The following OSTF1 variants were observed in gnomAD, a reference collection of about 807,000 sequenced individuals.
The protein encoded by OSTF1 is osteoclast stimulating factor 1, also known as osteoclast-stimulating factor 1.
Under a neutral mutation model 37.2 loss-of-function variants are expected in OSTF1, and 27 were observed. That is an observed-to-expected ratio of 0.73 (90% CI 0.54 to 1.00). The LOEUF (loss-of-function observed/expected upper bound fraction) is 1.00, where lower values mean the gene tolerates loss of function less well. Ranked by LOEUF, OSTF1 falls within the 50% of genes least tolerant of loss-of-function variation. OSTF1 has a pLI of 0.00. For synonymous variants in OSTF1, 82 were observed against 89.2 expected (o/e 0.92, Z 0.46); for missense variants, 232 against 253.8 (o/e 0.91, Z 0.58).
At chr9:75,100,783 C>A (rs759523341) in intron 1 of OSTF1, among the ~76,000 whole-genome samples, 3 of 151,514 alleles carry the variant, frequency 2.0e-5, no homozygotes, top group Non-Finnish European at 4.4e-5. Flanking sequence ...GTAGGTCTGA[C>A]CCGGGGCCTT....
intron 9 of OSTF1, among the ~76,000 whole-genome samples, chr9:75,145,653 A>C (rs760367658): frequency 5.3e-5 from 8 of 152,194 alleles, no homozygotes; most frequent in Non-Finnish European, 8.8e-5. Context: ...TTTGACCTTT[A>C]TTTAAGAGGT....
intron 2 of OSTF1, among the ~76,000 whole-genome samples, chr9:75,122,942 T>A (rs1181795526): frequency 6.6e-6 from 1 of 152,200 alleles, no homozygotes; most frequent in African/African-American, 2.4e-5. Context: ...AAACTTTTCA[T>A]AAAATATATT....
At chr9:75,110,611 G>T (rs1825369429) in intron 1 of OSTF1, among the ~76,000 whole-genome samples, 1 of 152,078 alleles carries the variant, frequency 6.6e-6, no homozygotes, top group Admixed American at 6.5e-5. Flanking sequence ...AAGTGAAATA[G>T]TCTATCTATT....
Position 75,131,916 on chromosome 9 carries a change from C to T in OSTF1, c.250+93C>T, listed in dbSNP as rs1277105957. On this transcript the variant is annotated intron_variant, in intron 5 of 9. Coordinates refer to ENST00000346234, the MANE Select transcript of OSTF1 (RefSeq NM_012383.5). Reference sequence around the variant, plus strand: ...CAAGTGCATACACCCACGTAACCAACACCCAGATCAAGATCTAGAACATTT... The same window carrying T: ...CAAGTGCATACACCCACGTAACCAATACCCAGATCAAGATCTAGAACATTT... The T allele has an allele frequency of 5.9e-6, 5 of 852,404 alleles. No individual in the cohort carries two copies. In the Admixed American group the frequency reaches 9.9e-5, roughly 17 times the overall value. The allele number at this position is 852,404 out of a possible 1,614,324, so 52.8% of individuals were successfully genotyped here.
At chr9:75,097,034 G>A (rs1825099117) in intron 1 of OSTF1, among the ~76,000 whole-genome samples, 1 of 152,150 alleles carries the variant, frequency 6.6e-6, no homozygotes, top group Non-Finnish European at 1.5e-5. Flanking sequence ...CTAGCCCTGC[G>A]AGGACTTCAT....
Position 75,088,543 on chromosome 9 carries a change from C to T in OSTF1, c.-150C>T. Reference sequence around the variant, plus strand: ...GGCGGAGCCGCTCTGCCTGCGTCCGCTCTTCCCGCAGCCAAGGGTGGGCGC... The same window carrying T: ...GGCGGAGCCGCTCTGCCTGCGTCCGTTCTTCCCGCAGCCAAGGGTGGGCGC... On this transcript the variant is annotated 5_prime_UTR_variant, in exon 1 of 10. Transcript: ENST00000346234. The T allele has an allele frequency of 1.2e-6, 1 of 821,738 alleles. No homozygotes were observed. The highest frequency in any genetic ancestry group is 1.5e-5 in the South Asian group (1 of 64,550). 50.9% of individuals were successfully genotyped at this position (821,738 alleles called of 1,614,324 possible). A position where few individuals can be genotyped will look rare whatever the true frequency, so the allele number is the denominator to read the frequency against.
intron 2 of OSTF1, among the ~76,000 whole-genome samples, chr9:75,120,439 C>T (rs1457067750): frequency 6.6e-6 from 1 of 152,078 alleles, no homozygotes; most frequent in African/African-American, 2.4e-5. Flanking sequence ...TGGTTAGGTG[C>T]CAGCCTGGGC....
chr9:75,126,283 C>A (rs149245021), intron 2 of OSTF1, among the ~76,000 whole-genome samples: 198 of 152,316 alleles, frequency 1.3e-3, no homozygotes, highest in Non-Finnish European at 2.5e-3. Flanking sequence ...TCAGAAATAT[C>A]AAAGCCTTTC....
At chr9:75,112,962 A>T (rs1406437772) in intron 1 of OSTF1, among the ~76,000 whole-genome samples, 1 of 152,072 alleles carries the variant, frequency 6.6e-6, no homozygotes, top group Non-Finnish European at 1.5e-5. Context: ...AAAATACTGT[A>T]TTTCTCCTGG....
At position 75,140,898 on chromosome 9, in the gene OSTF1, C is replaced by T. The variant is rs1028980520; in HGVS notation, c.552C>T (p.Ala184=). The change falls in exon 9 of 10, where the codon GCC becomes GCT. Residue 184 remains alanine, a synonymous_variant. Transcript: ENST00000346234. ...KLAFDMATNA[A]CASLLKKKQG... ...CCTTCGACATGGCTACCAATGCTGC[C>T]TGTGCATCTCTCCTGAAAAAGAAAC... 3.7e-6 allele frequency: 6 copies of T among 1,613,464 alleles called. No homozygotes were observed. Among genetic ancestry groups the T allele is most frequent in the Non-Finnish European group, 5.1e-6 (6 of 1,179,458 alleles).
chr9:75,103,864 G>A (rs768470606), intron 1 of OSTF1, among the ~76,000 whole-genome samples: 2 of 152,110 alleles, frequency 1.3e-5, no homozygotes, highest in Non-Finnish European at 2.9e-5. Context: ...CAAACTCTTG[G>A]GCTCAAGCAA....
rs145552753 is a variant in OSTF1 at position 75,131,788 on chromosome 9, C to G, written c.215C>G (p.Ser72Cys). The G allele has an allele frequency of 5.6e-6, 9 of 1,613,362 alleles. No homozygotes were observed. In the African/African-American group the frequency reaches 9.4e-5, roughly 17 times the overall value. ...AATCTAGTGGCTGAGCAGGCAGAAT[C>G]CATTGACAATCCATTGCATGAAGCA... ...PSNYVAEQAE[S>C]IDNPLHEAAK... Residue 72 changes from serine to cysteine, a missense_variant, in exon 5 of 10, where the codon TCC (serine) becomes TGC (cysteine). Coordinates refer to ENST00000346234, the MANE Select transcript of OSTF1 (RefSeq NM_012383.5).
chr9:75,111,490 C>T (rs1187984619), intron 1 of OSTF1, among the ~76,000 whole-genome samples: 3 of 152,110 alleles, frequency 2.0e-5, no homozygotes, highest in Admixed American at 6.5e-5. Flanking sequence ...ATCTTGCTTA[C>T]GTGAAGAGAC....
At chr9:75,128,391 T>TCC (rs1177781430) in intron 3 of OSTF1, among the ~76,000 whole-genome samples, 2 of 105,798 alleles carry the variant, frequency 1.9e-5, no homozygotes, top group African/African-American at 3.6e-5. Flanking sequence ...TATATATATA[T>TCC]ATATATATAT....
At chr9:75,125,051 T>C (rs529354139) in intron 2 of OSTF1, among the ~76,000 whole-genome samples, 1 of 152,270 alleles carries the variant, frequency 6.6e-6, no homozygotes, top group South Asian at 2.1e-4. Flanking sequence ...TTCCAGGAAA[T>C]GAAAAGTTCC....
intron 2 of OSTF1, among the ~76,000 whole-genome samples, chr9:75,125,178 AT>A (rs770361032): frequency 1.3e-5 from 2 of 152,162 alleles, no homozygotes; most frequent in East Asian, 3.9e-4. Flanking sequence ...TGGTGTTAAA[AT>A]TGCCAGCAAA....
At chr9:75,134,718 G>GCTGCCC (rs1387003823) in intron 7 of OSTF1, among the ~76,000 whole-genome samples, 1 of 152,126 alleles carries the variant, frequency 6.6e-6, no homozygotes, top group Non-Finnish European at 1.5e-5. Context: ...AAGCTTGTCA[G>GCTGCCC]CTGCCCCAGC....
intron 1 of OSTF1, among the ~76,000 whole-genome samples, chr9:75,113,710 G>A (rs1040523950): frequency 2.6e-5 from 4 of 152,104 alleles, no homozygotes; most frequent in African/African-American, 7.2e-5. Flanking sequence ...ATACATTATG[G>A]TGTACAACAT....
chr9:75,095,760 G>T (rs1040184321), intron 1 of OSTF1, among the ~76,000 whole-genome samples: 2 of 152,204 alleles, frequency 1.3e-5, no homozygotes, highest in Non-Finnish European at 2.9e-5. Context: ...GCACACGTCA[G>T]CCCTCTTCAC....
Sources: gnomAD v4.1 joint callset for allele counts (sites outside exome capture counted in the v4.1 genomes callset) on GRCh38, gnomAD v4.1.1 for gene constraint, MANE v1.5 for transcripts, NCBI Gene and HGNC (gene_info 2026-07-23, HGNC 2026-07-21) for gene names.